SHANK2: variants seen among roughly 807,000 people sequenced by gnomAD.
SHANK2 encodes SH3 and multiple ankyrin repeat domains 2.
Under a neutral mutation model 133.7 loss-of-function variants are expected in SHANK2, and 43 were observed. That is an observed-to-expected ratio of 0.32 (90% confidence interval 0.25 to 0.41). SHANK2 has a LOEUF of 0.41. Among genes scored for constraint, SHANK2 ranks in the 10% least tolerant of loss-of-function variants. The probability of loss-of-function intolerance (pLI) is 1.00; values close to 1 mark genes in which losing one functional copy is unlikely to be tolerated. For synonymous variants in SHANK2, 1,017 were observed against 952.8 expected (o/e 1.07, Z -1.24); for missense variants, 1,994 against 2,235.8 (o/e 0.89, Z 2.18).
At chr11:71,180,186 A>G (rs1346614323) in intron 2 of SHANK2, among the ~76,000 whole-genome samples, 1 of 152,240 alleles carries the variant, frequency 6.6e-6, no homozygotes, top group East Asian at 1.9e-4. Context: ...AGCTCTGGGC[A>G]TCCTTATTCC....
At chr11:71,247,317 A>G (rs1479496894) in intron 1 of SHANK2, among the ~76,000 whole-genome samples, 1 of 152,218 alleles carries the variant, frequency 6.6e-6, no homozygotes, top group Non-Finnish European at 1.5e-5. Context: ...TTAAACCTAT[A>G]AAGAAAAATT....
intron 14 of SHANK2, among the ~76,000 whole-genome samples, chr11:70,746,697 T>C (rs1183876422): frequency 6.6e-6 from 1 of 152,128 alleles, no homozygotes; most frequent in Admixed American, 6.5e-5. Flanking sequence ...CTGCCCTCCA[T>C]CTTGTTGCTC....
intron 14 of SHANK2, among the ~76,000 whole-genome samples, chr11:70,740,124 G>T (rs1175852379): frequency 6.6e-6 from 1 of 151,310 alleles, no homozygotes; most frequent in Admixed American, 6.6e-5. Context: ...ACCTAGGACA[G>T]ACAGTGCCTG....
At chr11:71,177,070 A>G (rs1267053393) in intron 2 of SHANK2, among the ~76,000 whole-genome samples, 1 of 152,222 alleles carries the variant, frequency 6.6e-6, no homozygotes, top group Non-Finnish European at 1.5e-5. Context: ...GGCATCTTTA[A>G]ACGAAAAAAG....
chr11:70,796,715 T>G (rs1562194), intron 14 of SHANK2, among the ~76,000 whole-genome samples: 60,530 of 152,036 alleles, frequency 0.4, 14,293 homozygotes, highest in African/African-American at 0.66. Flanking sequence ...CCAGTGTAAA[T>G]CCCGTGTGGT....
intron 15 of SHANK2, among the ~76,000 whole-genome samples, chr11:70,664,593 C>T (rs1158245075): frequency 6.6e-6 from 1 of 152,222 alleles, no homozygotes; most frequent in African/African-American, 2.4e-5. Context: ...ACCTGTCATG[C>T]GCTCCAGGCG....
At chr11:71,120,828 A>G (rs1439527030) in intron 3 of SHANK2, among the ~76,000 whole-genome samples, 6 of 152,188 alleles carry the variant, frequency 3.9e-5, no homozygotes, top group African/African-American at 1.4e-4. Flanking sequence ...GGCCCCTCCA[A>G]TTCAAGCTCC....
intron 17 of SHANK2, among the ~76,000 whole-genome samples, chr11:70,602,339 C>G (rs1264534649): frequency 6.6e-6 from 1 of 152,224 alleles, no homozygotes; most frequent in East Asian, 1.9e-4. Flanking sequence ...AATGCAACTC[C>G]CTGCAGAGAG....
At chr11:70,507,184 G>A (rs961287095) in intron 17 of SHANK2, among the ~76,000 whole-genome samples, 18 of 152,208 alleles carry the variant, frequency 1.2e-4, no homozygotes, top group African/African-American at 4.1e-4. Flanking sequence ...CCAGCCTCCT[G>A]GGCCCTGACG....
At chr11:70,779,792 C>A (rs1947442211) in intron 14 of SHANK2, among the ~76,000 whole-genome samples, 1 of 152,142 alleles carries the variant, frequency 6.6e-6, no homozygotes, top group African/African-American at 2.4e-5. Context: ...GCCTGCCACC[C>A]CCTCCTTCTG....
intron 17 of SHANK2, among the ~76,000 whole-genome samples, chr11:70,539,779 G>C (rs561881515): frequency 8.5e-5 from 13 of 152,264 alleles, no homozygotes; most frequent in Non-Finnish European, 2.9e-5. Flanking sequence ...CTCCCGGGGG[G>C]GCCGTAGCAG....
At chr11:70,577,496 T>C (rs551225281) in intron 17 of SHANK2, among the ~76,000 whole-genome samples, 1 of 152,350 alleles carries the variant, frequency 6.6e-6, no homozygotes, top group East Asian at 1.9e-4. Flanking sequence ...GTTTGCAGAA[T>C]TGAGCCAGGT....
chr11:71,083,728 C>T (rs1039180110), intron 8 of SHANK2, among the ~76,000 whole-genome samples: 1 of 152,210 alleles, frequency 6.6e-6, no homozygotes, highest in Non-Finnish European at 1.5e-5. Flanking sequence ...CAGGACCACA[C>T]CCCCTGTGGC....
chr11:70,655,060 C>A (rs1555011237), intron 17 of SHANK2, among the ~76,000 whole-genome samples: 1 of 152,112 alleles, frequency 6.6e-6, no homozygotes, highest in Non-Finnish European at 1.5e-5. Context: ...TGATTTCTAC[C>A]TGTTTTTTAA....
At chr11:70,858,201 C>T (rs555706800) in intron 11 of SHANK2, among the ~76,000 whole-genome samples, 1 of 152,216 alleles carries the variant, frequency 6.6e-6, no homozygotes, top group Non-Finnish European at 1.5e-5. Flanking sequence ...TTCCTGTCCC[C>T]TGTTCATAAT....
Position 71,157,131 on chromosome 11 carries a change from T to TAC in SHANK2, c.-12-9795_-12-9794dup, listed in dbSNP as rs58498683. Among the ~76,000 whole-genome samples, 531 of 151,258 alleles carry TAC rather than the reference T, an allele frequency of 3.5e-3. 1 individual carries two copies. The highest frequency in any genetic ancestry group is 6.2e-3 in the Non-Finnish European group (417 of 67,580). The stretch of plus-strand genomic sequence containing the variant: ...AAAGTATAATAAATATATATATATA[T>TAC]ACACACACATATATATAAAGACACT... On this transcript the variant is annotated intron_variant, in intron 2 of 25. Transcript: ENST00000601538.
rs1351421885 is a variant in SHANK2, at chr11:71,092,283, T to C, written c.912+139A>G. 7.5e-6 allele frequency: 6 copies of C among 801,216 alleles called. No individual in the cohort carries two copies. The East Asian group carries it at 1.3e-4, about 18-fold the overall frequency. 49.6% of individuals were successfully genotyped at this position (801,216 alleles called of 1,614,324 possible). ...TAAAATCATTTTTAATTCACATATT[T>C]TCAGGAACTCTGGGCAGGCCAAACA... On this transcript the variant is annotated intron_variant, in intron 8 of 25. Coordinates refer to ENST00000601538, the MANE Select transcript of SHANK2 (RefSeq NM_012309.5).
intron 10 of SHANK2, among the ~76,000 whole-genome samples, chr11:70,900,865 G>T (rs539347614): frequency 6.6e-6 from 1 of 152,196 alleles, no homozygotes; most frequent in African/African-American, 2.4e-5. Context: ...TCTCAGCATT[G>T]CTCAGTGTCA....
chr11:70,660,092 C>A (rs1173627940), intron 16 of SHANK2, 140 bp from the exon 17 acceptor site: 2 of 1,034,274 alleles, frequency 1.9e-6, no homozygotes, highest in Non-Finnish European at 2.9e-6. Flanking sequence ...CCAACTCTCC[C>A]CCAGGAAGGG....
Sources: gnomAD v4.1 joint callset for allele counts (sites outside exome capture counted in the v4.1 genomes callset) on GRCh38, gnomAD v4.1.1 for gene constraint, MANE v1.5 for transcripts, NCBI Gene and HGNC (gene_info 2026-07-23, HGNC 2026-07-21) for gene names.